TMEM178B: variants seen among roughly 807,000 people sequenced by gnomAD.
TMEM178B encodes transmembrane protein 178B.
A neutral mutation model predicts 31.0 loss-of-function variants in TMEM178B; 5 were observed. The ratio of observed to expected loss-of-function variants is 0.16; its 90% confidence interval spans 0.08 to 0.34. TMEM178B has a LOEUF of 0.34. Among genes scored for constraint, TMEM178B ranks in the 10% least tolerant of loss-of-function variants. TMEM178B has a pLI of 1.00. For synonymous variants in TMEM178B, 164 were observed against 164.0 expected, an observed-to-expected ratio of 1.00 and a Z score of 0.00; for missense variants, 275 against 400.3, an observed-to-expected ratio of 0.69 and a Z score of 2.67.
Position 141,078,324 on chromosome 7 carries a change from A to G in TMEM178B, c.382+3632A>G, listed in dbSNP as rs62486609. On this transcript the variant is annotated intron_variant, in intron 1 of 3. Transcript: ENST00000565468. The stretch of plus-strand genomic sequence containing the variant: ...ATAGTTTGAAATAAGTAGAACTTCA[A>G]CTGATACTCTAAGAACTTTTTATTA... Among the ~76,000 whole-genome samples the G allele has an allele frequency of 7.0e-3, 1,068 of 152,336 alleles. 6 individuals carry two copies. Among genetic ancestry groups the G allele is most frequent in the Non-Finnish European group, 0.011 (724 of 68,022 alleles).
At chr7:141,229,100 G>GGTGTGTGTGTGT (rs3035765) in intron 2 of TMEM178B, among the ~76,000 whole-genome samples, 2,193 of 134,772 alleles carry the variant, frequency 0.016, 32 homozygotes, top group Middle Eastern at 0.022. Flanking sequence ...GTGTGTGTGT[G>GGTGTGTGTGTGT]GTGTGTGTGT....
chr7:141,331,324 G>T (rs1329331216), intron 2 of TMEM178B, among the ~76,000 whole-genome samples: 1 of 152,184 alleles, frequency 6.6e-6, no homozygotes, highest in Non-Finnish European at 1.5e-5. Flanking sequence ...AGACGCAAAG[G>T]TGATCAGGGA....
chr7:141,494,123 T>A, the TMEM178B span, among the ~76,000 whole-genome samples: 13 of 152,236 alleles, frequency 8.5e-5, no homozygotes, highest in African/African-American at 2.7e-4. Context: ...TAAGATTATG[T>A]GCCTTAAAAT....
chr7:141,286,555 G>T (rs77947011), intron 2 of TMEM178B, among the ~76,000 whole-genome samples: 2 of 152,312 alleles, frequency 1.3e-5, no homozygotes, highest in East Asian at 3.9e-4. Context: ...AGAGATGCTG[G>T]CTTCTCAAGA....
At chr7:141,336,918 C>CCACCACCACCACCATCACCACCACCAT (rs1799406759) in intron 2 of TMEM178B, among the ~76,000 whole-genome samples, 1 of 132,972 alleles carries the variant, frequency 7.5e-6, no homozygotes. Context: ...ATCACCACCA[C>CCACCACCACCACCATCACCACCACCAT]CACCACCACC....
At chr7:141,135,967 T>C (rs1458685365) in intron 1 of TMEM178B, among the ~76,000 whole-genome samples, 3 of 151,812 alleles carry the variant, frequency 2.0e-5, no homozygotes, top group South Asian at 4.2e-4. Flanking sequence ...CTAGCTAGAC[T>C]AACCAAGGAA....
rs1295226818 is a variant in TMEM178B at position 141,435,311 on chromosome 7, A to G, written c.497-2297A>G. On this transcript the variant is annotated intron_variant, in intron 2 of 3. Transcript: ENST00000565468. ...GTTTAAGGAAGTATAAGCCCCTTAC[A>G]GGGAAACCTTCTTTTCATTGAAAAT... is the stretch of plus-strand genomic sequence containing the variant. 2.0e-5 allele frequency among the ~76,000 whole-genome samples: 3 copies of G among 152,250 alleles called. No individual in the cohort carries two copies. In the South Asian group the frequency reaches 6.2e-4, roughly 32 times the overall value.
At chr7:141,240,638 G>A (rs755606677) in intron 2 of TMEM178B, among the ~76,000 whole-genome samples, 5 of 152,204 alleles carry the variant, frequency 3.3e-5, no homozygotes, top group Admixed American at 6.5e-5. Context: ...TTTTAATACC[G>A]AAGAGAACAG....
chr7:141,117,679 T>C (rs1448683252), intron 1 of TMEM178B, among the ~76,000 whole-genome samples: 5 of 152,262 alleles, frequency 3.3e-5, no homozygotes, highest in Admixed American at 1.3e-4. Flanking sequence ...GTTGAGTTAA[T>C]TTTTGTATAA....
At position 141,359,417 on chromosome 7, in the gene TMEM178B, A is replaced by G. The variant is rs1029795798; in HGVS notation, c.497-78191A>G. 2.0e-5 allele frequency among the ~76,000 whole-genome samples: 3 copies of G among 152,170 alleles called. No individual in the cohort carries two copies. The East Asian group carries it at 5.8e-4, about 29-fold the overall frequency. On this transcript the variant is annotated intron_variant, in intron 2 of 3. Coordinates refer to ENST00000565468, the MANE Select transcript of TMEM178B (RefSeq NM_001195278.2). ...GCCATGCTCTCATTCAGCCTCTTGG[A>G]TTCACTCCATCCAAACCTGTACTCC...
chr7:141,394,702 A>G (rs183711931), intron 2 of TMEM178B, among the ~76,000 whole-genome samples: 37 of 152,252 alleles, frequency 2.4e-4, no homozygotes, highest in African/African-American at 8.7e-4. Flanking sequence ...ATGTGGATCT[A>G]TGGTATTTTG....
chr7:141,119,452 C>G (rs1296762443), intron 1 of TMEM178B, among the ~76,000 whole-genome samples: 1 of 152,144 alleles, frequency 6.6e-6, no homozygotes, highest in Non-Finnish European at 1.5e-5. Flanking sequence ...ACTGCCCTTC[C>G]TCAGACTAGA....
intron 2 of TMEM178B, among the ~76,000 whole-genome samples, chr7:141,356,761 T>A (rs1383580164): frequency 1.3e-5 from 2 of 150,894 alleles, no homozygotes; most frequent in African/African-American, 4.9e-5. Context: ...ATTCTCAGAG[T>A]TTCTGCCTCA....
At chr7:141,368,161 A>G (rs774016720) in intron 2 of TMEM178B, among the ~76,000 whole-genome samples, 3 of 152,176 alleles carry the variant, frequency 2.0e-5, no homozygotes, top group Non-Finnish European at 4.4e-5. Context: ...TGCACTAACA[A>G]TACAAAAATC....
intron 2 of TMEM178B, among the ~76,000 whole-genome samples, chr7:141,405,590 C>T (rs1428908613): frequency 6.6e-6 from 1 of 152,162 alleles, no homozygotes; most frequent in African/African-American, 2.4e-5. Context: ...GGTGATTAGC[C>T]TCCCACTTTT....
intron 1 of TMEM178B, among the ~76,000 whole-genome samples, chr7:141,182,938 A>G (rs1860809): frequency 0.74 from 112,743 of 152,178 alleles, 42,434 homozygotes; most frequent in African/African-American, 0.85. Context: ...GTGTTTATTA[A>G]CACTGTGAGA....
chr7:141,411,479 T>C (rs1302147178), intron 2 of TMEM178B, among the ~76,000 whole-genome samples: 1 of 152,200 alleles, frequency 6.6e-6, no homozygotes, highest in African/African-American at 2.4e-5. Flanking sequence ...CATGAAAACA[T>C]TTTTAAAGCC....
intron 2 of TMEM178B, among the ~76,000 whole-genome samples, chr7:141,432,507 TAAGTCTTTTTTGG>T (rs1801454908): frequency 6.6e-6 from 1 of 152,220 alleles, no homozygotes; most frequent in Admixed American, 6.5e-5. Flanking sequence ...TAAGCCTGCT[TAAGTCTTTTTTGG>T]AACATGGCAG....
At chr7:141,102,237 TAGAG>T (rs1795070699) in intron 1 of TMEM178B, among the ~76,000 whole-genome samples, 2 of 152,190 alleles carry the variant, frequency 1.3e-5, no homozygotes, top group Admixed American at 1.3e-4. Flanking sequence ...TGTAATCCGA[TAGAG>T]AAAGTACTGT....
Sources: allele counts gnomAD v4.1 joint callset (sites outside exome capture counted in the v4.1 genomes callset), GRCh38; gene constraint gnomAD v4.1.1; transcripts MANE v1.5; gene names NCBI Gene and HGNC (gene_info 2026-07-23, HGNC 2026-07-21).